CDKL3: variants seen among roughly 807,000 people sequenced by gnomAD.
CDKL3 encodes the protein cyclin-dependent kinase-like 3.
CDKL3 carries 65 observed loss-of-function variants against 69.3 expected under a neutral mutation model. That is an observed-to-expected ratio of 0.94 (90% CI 0.77 to 1.15). The LOEUF (loss-of-function observed/expected upper bound fraction) is 1.15. CDKL3 is among the 50% of genes most tolerant of loss of function. The probability of loss-of-function intolerance (pLI) is 0.00; values close to 1 mark genes in which losing one functional copy is unlikely to be tolerated. For synonymous variants in CDKL3, 202 were observed against 221.6 expected, an observed-to-expected ratio of 0.91 and a Z score of 0.79; for missense variants, 652 against 689.2, an observed-to-expected ratio of 0.95 and a Z score of 0.61.
At chr5:134,301,730 TA>T (rs1263629283) in intron 12 of CDKL3, among the ~76,000 whole-genome samples, 1 of 151,526 alleles carries the variant, frequency 6.6e-6, no homozygotes. Flanking sequence ...AAATATTTTT[TA>T]AAAAAAATAG....
At chr5:134,371,520 G>C, upstream of CDKL3, 1 of 1,559,304 alleles carries the variant, frequency 6.4e-7, no homozygotes. Flanking sequence ...ACAGTGATTC[G>C]GCCGCCGCGC....
chr5:134,284,435 A>G (rs537950337), downstream of CDKL3, among the ~76,000 whole-genome samples: 8 of 152,292 alleles, frequency 5.3e-5, no homozygotes, highest in East Asian at 9.6e-4. Context: ...AAGGGCAGAG[A>G]GGCAGAGCAA....
At chr5:134,312,531 A>T (rs1053600471) in intron 6 of CDKL3, among the ~76,000 whole-genome samples, 151 bp from the exon 7 acceptor site, 1 of 152,274 alleles carries the variant, frequency 6.6e-6, no homozygotes, top group Non-Finnish European at 1.5e-5. Context: ...AACTTCTGGT[A>T]GTAAGTTCTG....
intron 7 of CDKL3, among the ~76,000 whole-genome samples, chr5:134,309,333 C>T (rs543610427): frequency 3.3e-5 from 5 of 152,264 alleles, no homozygotes; most frequent in East Asian, 3.9e-4. Context: ...CCACCTGCCT[C>T]GTCCTCCCAA....
intron 7 of CDKL3, among the ~76,000 whole-genome samples, chr5:134,311,453 C>T (rs1769471987): frequency 6.6e-6 from 1 of 152,196 alleles, no homozygotes; most frequent in East Asian, 1.9e-4. Context: ...TTGTAGTCAG[C>T]CGAGATTGTG....
chr5:134,363,232 T>G (rs1015140483), intron 2 of CDKL3, among the ~76,000 whole-genome samples: 4 of 152,194 alleles, frequency 2.6e-5, no homozygotes, highest in African/African-American at 9.6e-5. Context: ...TGAACTGATA[T>G]CTTTCACAAA....
At chr5:134,323,018 T>C (rs944926123) in intron 4 of CDKL3, among the ~76,000 whole-genome samples, 2 of 151,498 alleles carry the variant, frequency 1.3e-5, no homozygotes, top group Admixed American at 6.6e-5. Flanking sequence ...TCTATCTATA[T>C]GTGCTGAAAT....
At chr5:134,351,758 C>A (rs951252647) in intron 3 of CDKL3, among the ~76,000 whole-genome samples, 17 of 152,028 alleles carry the variant, frequency 1.1e-4, no homozygotes, top group African/African-American at 4.1e-4. Context: ...CCACACCCGG[C>A]CTGAATTATT....
At chr5:134,334,795 T>C (rs984901519) in intron 4 of CDKL3, among the ~76,000 whole-genome samples, 1 of 152,296 alleles carries the variant, frequency 6.6e-6, no homozygotes, top group East Asian at 1.9e-4. Flanking sequence ...TTCTGTTGAT[T>C]TGGGGTGGAG....
At chr5:134,319,128 C>A (rs1028980684) in intron 6 of CDKL3, 1 of 314,082 alleles carries the variant, frequency 3.2e-6, no homozygotes, top group Non-Finnish European at 5.7e-6. Flanking sequence ...CAAGAGCAGC[C>A]TGGCCAACCA....
At chr5:134,287,497 G>A (rs920430751) in intron 8 of CDKL3, among the ~76,000 whole-genome samples, 1 of 152,114 alleles carries the variant, frequency 6.6e-6, no homozygotes, top group African/African-American at 2.4e-5. Context: ...ACAACTTCAC[G>A]TGGTCAAAGG....
Position 134,359,884 on chromosome 5 carries a change from C to G in CDKL3, c.360+13G>C. On this transcript the variant is annotated intron_variant, in intron 3 of 12. Transcript: ENST00000265334. ...TATTCATCCTACAAATTGGCTTATTCTGAAGCACTTACATTATTACTGTGA... is the reference window on the plus strand; with the variant it reads ...TATTCATCCTACAAATTGGCTTATTGTGAAGCACTTACATTATTACTGTGA... 6.5e-7 allele frequency: 1 copy of G among 1,549,312 alleles called. No homozygotes were observed. Among genetic ancestry groups the G allele is most frequent in the Non-Finnish European group, 8.7e-7 (1 of 1,145,882 alleles).
chr5:134,362,151 A>G (rs779647944), intron 2 of CDKL3, among the ~76,000 whole-genome samples: 5 of 152,192 alleles, frequency 3.3e-5, no homozygotes, highest in Non-Finnish European at 5.9e-5. Flanking sequence ...TTTTTTCTCC[A>G]TTACTAGACA....
chr5:134,371,576 C>G (rs369451577), upstream of CDKL3: 2 of 1,611,824 alleles, frequency 1.2e-6, no homozygotes, highest in Non-Finnish European at 1.7e-6. Context: ...TTCAGACTGA[C>G]CGCGGGGCAG....
intron 7 of CDKL3, 148 bp from the exon 8 acceptor site, chr5:134,308,875 C>T (rs192509343): frequency 8.5e-6 from 6 of 705,232 alleles, no homozygotes; most frequent in Admixed American, 7.4e-5. Context: ...GATGGCCCAA[C>T]ATTTACCTAA....
chr5:134,320,830 C>T (rs1277759496), intron 5 of CDKL3, among the ~76,000 whole-genome samples: 1 of 149,630 alleles, frequency 6.7e-6, no homozygotes, highest in African/African-American at 2.5e-5. Flanking sequence ...GCTGAGATCG[C>T]GCCCCTGCAC....
upstream of CDKL3, among the ~76,000 whole-genome samples, chr5:134,367,556 A>G (rs1757754982): frequency 6.6e-6 from 1 of 151,806 alleles, no homozygotes; most frequent in Non-Finnish European, 1.5e-5. Flanking sequence ...TATTTTTAGT[A>G]GAGACGGGGT....
At chr5:134,368,182 G>A (rs1205562021), upstream of CDKL3, among the ~76,000 whole-genome samples, 1 of 152,152 alleles carries the variant, frequency 6.6e-6, no homozygotes, top group Non-Finnish European at 1.5e-5. Flanking sequence ...CAGAGCACCT[G>A]ATTTAATTGG....
At chr5:134,370,826 C>T (rs1561673922), upstream of CDKL3, among the ~76,000 whole-genome samples, 1 of 152,266 alleles carries the variant, frequency 6.6e-6, no homozygotes, top group East Asian at 1.9e-4. Flanking sequence ...AGTTAATAAG[C>T]CACTGAACCA....
Sources: allele counts gnomAD v4.1 joint callset (sites outside exome capture counted in the v4.1 genomes callset), GRCh38; gene constraint gnomAD v4.1.1; transcripts MANE v1.5; gene names NCBI Gene and HGNC (gene_info 2026-07-23, HGNC 2026-07-21).